The following B3GALT1 variants were observed in gnomAD, a reference collection of about 807,000 sequenced individuals.
The protein encoded by B3GALT1 is UDP-Gal:betaGlcNAc beta 1,3-galactosyltransferase, polypeptide 1.
B3GALT1 carries 10 observed loss-of-function variants against 23.2 expected under a neutral mutation model. The ratio of observed to expected loss-of-function variants is 0.43; its 90% CI spans 0.27 to 0.73. B3GALT1 has a LOEUF of 0.73. Among genes scored for constraint, B3GALT1 ranks in the 30% least tolerant of loss-of-function variants. The pLI is 0.21. For synonymous variants in B3GALT1, 156 were observed against 141.5 expected, an observed-to-expected ratio of 1.10 and a Z score of -0.73; for missense variants, 299 against 405.4, an observed-to-expected ratio of 0.74 and a Z score of 2.25.
intron 3 of B3GALT1, among the ~76,000 whole-genome samples, chr2:167,679,271 A>G (rs1025429279): frequency 1.3e-5 from 2 of 152,130 alleles, no homozygotes; most frequent in African/African-American, 4.8e-5. Context: ...GGCATGTGCC[A>G]CCACACCTGG....
At chr2:167,321,168 A>G (rs964489906) in intron 1 of B3GALT1, among the ~76,000 whole-genome samples, 3 of 151,984 alleles carry the variant, frequency 2.0e-5, no homozygotes, top group Admixed American at 6.5e-5. Flanking sequence ...CCCCCAATCT[A>G]TTAATATTTA....
At position 167,871,855 on chromosome 2, in the gene B3GALT1, C is replaced by T. The variant is rs951008411; in HGVS notation, c.*1835C>T. 4.0e-5 allele frequency: 6 copies of T among 151,422 alleles called. No homozygotes were observed. The highest frequency in any genetic ancestry group is 8.8e-5 in the Non-Finnish European group (6 of 67,924). The allele number at this position is 151,422 out of a possible 1,614,324, so 9.4% of individuals were successfully genotyped here. On this transcript the variant is annotated 3_prime_UTR_variant, in exon 5 of 5. Coordinates refer to ENST00000392690, the MANE Select transcript of B3GALT1 (RefSeq NM_020981.4). Reference sequence around the variant, plus strand: ...CACCTGTTTGTTCTCAAAGAAAGCCCCACAGCTGAAAGAGTGTACCTTTTT... The same window carrying T: ...CACCTGTTTGTTCTCAAAGAAAGCCTCACAGCTGAAAGAGTGTACCTTTTT...
At chr2:167,759,267 T>A (rs73019372) in intron 3 of B3GALT1, among the ~76,000 whole-genome samples, 34,111 of 152,076 alleles carry the variant, frequency 0.22, 4,357 homozygotes, top group African/African-American at 0.35. Context: ...AAACTATCAG[T>A]TTTCTACTTG....
At chr2:167,731,530 A>G (rs1380026753) in intron 3 of B3GALT1, among the ~76,000 whole-genome samples, 5 of 152,222 alleles carry the variant, frequency 3.3e-5, no homozygotes, top group Non-Finnish European at 7.3e-5. Flanking sequence ...CTGTTGTTTC[A>G]AATGAGTTTG....
chr2:167,869,981 C>G lies in B3GALT1; in HGVS notation c.942C>G (p.Ile314Met), dbSNP rs755036569. ...TCTCTCCAGAAGAAATGCACAGAAT[C>G]TGGAATGACATGTCAAGCAAGAAAC... is the stretch of plus-strand genomic sequence containing the variant. ...HQISPEEMHR[I>M]WNDMSSKKHL... Residue 314 changes from isoleucine to methionine, a missense_variant, in exon 5 of 5, where the codon ATC becomes ATG. Coordinates refer to ENST00000392690, the MANE Select transcript of B3GALT1 (RefSeq NM_020981.4). This position sits in a 1 kb window ranked among gnomAD's most constrained non-coding sequence, Gnocchi z 6.4. 4 of 1,608,946 alleles carry G rather than the reference C, an allele frequency of 2.5e-6. No individual in the cohort carries two copies. The highest frequency in any genetic ancestry group is 3.4e-6 in the Non-Finnish European group (4 of 1,176,034).
At chr2:167,615,425 A>G (rs1009431654) in intron 2 of B3GALT1, among the ~76,000 whole-genome samples, 4 of 152,004 alleles carry the variant, frequency 2.6e-5, no homozygotes, top group Admixed American at 1.3e-4. Context: ...GATATTGGTC[A>G]AAGGATACAA....
chr2:167,760,479 AC>A (rs1687883316), intron 3 of B3GALT1, among the ~76,000 whole-genome samples: 1 of 152,210 alleles, frequency 6.6e-6, no homozygotes, highest in Non-Finnish European at 1.5e-5. Flanking sequence ...AGGCCAAGCC[AC>A]TACCTGCAAC....
At chr2:167,599,053 G>A (rs866501806) in intron 2 of B3GALT1, among the ~76,000 whole-genome samples, 41 of 152,258 alleles carry the variant, frequency 2.7e-4, no homozygotes, top group African/African-American at 9.4e-4. Flanking sequence ...CTGTATAAAT[G>A]AGATGAATTA....
intron 1 of B3GALT1, among the ~76,000 whole-genome samples, chr2:167,321,641 G>C (rs1696813592): frequency 1.3e-5 from 2 of 151,978 alleles, no homozygotes; most frequent in South Asian, 4.1e-4. Flanking sequence ...TACTTGTGCT[G>C]TCAAGATTTT....
intron 3 of B3GALT1, among the ~76,000 whole-genome samples, chr2:167,748,572 C>T (rs1240053266): frequency 6.6e-6 from 1 of 152,026 alleles, no homozygotes; most frequent in Admixed American, 6.6e-5. Context: ...TCAGAAGGCA[C>T]CAAGGCAAAA....
intron 2 of B3GALT1, among the ~76,000 whole-genome samples, chr2:167,604,415 T>A (rs764043695): frequency 2.0e-5 from 3 of 152,246 alleles, no homozygotes; most frequent in Non-Finnish European, 4.4e-5. Flanking sequence ...GTTGTGTATT[T>A]TGATACTGTC....
At chr2:167,360,627 A>G (rs930467768) in intron 1 of B3GALT1, among the ~76,000 whole-genome samples, 1 of 152,146 alleles carries the variant, frequency 6.6e-6, no homozygotes, top group African/African-American at 2.4e-5. Flanking sequence ...AGTTCTACAT[A>G]TTTTGGGGGT....
intron 1 of B3GALT1, among the ~76,000 whole-genome samples, chr2:167,397,562 C>T (rs1698118504): frequency 6.6e-6 from 1 of 152,002 alleles, no homozygotes; most frequent in Admixed American, 6.6e-5. Flanking sequence ...TTCTTGGACA[C>T]TGGGGGAATG....
In B3GALT1 at chr2:167,454,391, T is replaced by C. The variant is rs572949434; in HGVS notation, c.-510-35786T>C. ...TCTCCCTCAGTCCTTCTCATTTTCC[T>C]TTCGCTCCGTTACCTGCTGGCCTGG... On this transcript the variant is annotated intron_variant, in intron 1 of 4. Transcript: ENST00000392690. 3.3e-5 allele frequency among the ~76,000 whole-genome samples: 5 copies of C among 152,320 alleles called. No individual in the cohort carries two copies. In the South Asian group the frequency reaches 1.0e-3, roughly 32 times the overall value.
intron 3 of B3GALT1, among the ~76,000 whole-genome samples, chr2:167,684,438 G>A (rs146679050): frequency 6.4e-4 from 98 of 152,206 alleles, no homozygotes; most frequent in African/African-American, 2.1e-3. Flanking sequence ...ATCTGCATTC[G>A]GTCCTGGCTC....
At chr2:167,855,640 A>G (rs1388543396) in intron 4 of B3GALT1, among the ~76,000 whole-genome samples, 1 of 152,196 alleles carries the variant, frequency 6.6e-6, no homozygotes, top group African/African-American at 2.4e-5. Flanking sequence ...ATGGTTACCT[A>G]TTGAGGGTAC....
chr2:167,298,784 T>C (rs1000762455), intron 1 of B3GALT1, among the ~76,000 whole-genome samples: 1 of 152,056 alleles, frequency 6.6e-6, no homozygotes, highest in African/African-American at 2.4e-5. Context: ...CTGTGTGCAG[T>C]TTTTTGTTAC....
intron 2 of B3GALT1, among the ~76,000 whole-genome samples, chr2:167,530,804 T>TA: frequency 6.6e-6 from 1 of 152,342 alleles, no homozygotes; most frequent in Non-Finnish European, 1.5e-5. Flanking sequence ...TATCTTTTTT[T>TA]AAATCAAGTC....
At chr2:167,730,953 A>AT (rs1687400854) in intron 3 of B3GALT1, among the ~76,000 whole-genome samples, 2 of 152,224 alleles carry the variant, frequency 1.3e-5, no homozygotes, top group Middle Eastern at 3.2e-3. Flanking sequence ...GAATAAACCT[A>AT]TGAAGAAAGT....
Sources: allele counts gnomAD v4.1 joint callset (sites outside exome capture counted in the v4.1 genomes callset), GRCh38; gene constraint gnomAD v4.1.1; non-coding constraint Gnocchi (gnomAD v3.1); transcripts MANE v1.5; gene names NCBI Gene and HGNC (gene_info 2026-07-23, HGNC 2026-07-21).